The following BBS9 variants were observed in gnomAD, a reference collection of about 807,000 sequenced individuals.
BBS9 encodes the protein Bardet-Biedl syndrome 9, also known as protein PTHB1.
A neutral mutation model predicts 117.7 loss-of-function variants in BBS9; 89 were observed. That is an observed-to-expected ratio of 0.76 (90% CI 0.64 to 0.90). BBS9 has a LOEUF of 0.90. Among genes scored for constraint, BBS9 ranks in the 40% least tolerant of loss-of-function variants. The pLI is 0.00. For synonymous variants in BBS9, 379 were observed against 370.9 expected (o/e 1.02, Z -0.25); for missense variants, 982 against 1,042.2 (o/e 0.94, Z 0.80).
chr7:33,504,026 A>G (rs12154346), intron 19 of BBS9, among the ~76,000 whole-genome samples: 19,379 of 152,142 alleles, frequency 0.13, 1,395 homozygotes, highest in South Asian at 0.25. Context: ...TATTATAGTA[A>G]TGTTTCTTCC....
intron 21 of BBS9, among the ~76,000 whole-genome samples, chr7:33,583,612 C>T (rs185586714): frequency 1.1e-4 from 17 of 152,156 alleles, no homozygotes; most frequent in Admixed American, 3.9e-4. Flanking sequence ...CAAATAAAGA[C>T]GCCAAAACAT....
At chr7:33,410,714 A>G (rs1455827923) in intron 19 of BBS9, among the ~76,000 whole-genome samples, 4 of 152,058 alleles carry the variant, frequency 2.6e-5, no homozygotes, top group African/African-American at 9.7e-5. Context: ...CTTCTGGAAT[A>G]CTGATTTATA....
chr7:33,186,909 T>C (rs74995454), intron 5 of BBS9, among the ~76,000 whole-genome samples: 6,781 of 152,314 alleles, frequency 0.045, 232 homozygotes, highest in East Asian at 0.16. Flanking sequence ...TTTGGACATA[T>C]ACTAAATCAA....
chr7:33,551,474 T>C (rs1055749046), intron 21 of BBS9, among the ~76,000 whole-genome samples: 1 of 152,198 alleles, frequency 6.6e-6, no homozygotes, highest in East Asian at 1.9e-4. Context: ...TTTTTAAAAC[T>C]TAACCTATTA....
chr7:33,604,248 A>C (rs1864247515), intron 21 of BBS9, among the ~76,000 whole-genome samples: 1 of 152,206 alleles, frequency 6.6e-6, no homozygotes, highest in African/African-American at 2.4e-5. Context: ...AGTTATACCC[A>C]GTACTTCAAA....
chr7:33,422,982 G>C (rs997899010), intron 19 of BBS9, among the ~76,000 whole-genome samples: 1 of 152,132 alleles, frequency 6.6e-6, no homozygotes, highest in African/African-American at 2.4e-5. Context: ...ATACTGGCTG[G>C]AAGAGAACTT....
intron 9 of BBS9, among the ~76,000 whole-genome samples, chr7:33,281,396 C>A (rs1215296446): frequency 1.0e-5 from 1 of 95,944 alleles, no homozygotes; most frequent in East Asian, 3.2e-4. Context: ...TTTTTTGAGG[C>A]AGGGTCTCAC....
chr7:33,222,266 T>C (rs990789527), intron 5 of BBS9, among the ~76,000 whole-genome samples: 5 of 152,180 alleles, frequency 3.3e-5, no homozygotes, highest in African/African-American at 4.8e-5. Context: ...AACTAAGATA[T>C]CAAATTGATT....
intron 21 of BBS9, among the ~76,000 whole-genome samples, chr7:33,611,747 C>A: frequency 8.0e-6 from 1 of 125,774 alleles, no homozygotes; most frequent in Non-Finnish European, 1.6e-5. Flanking sequence ...ATATTTATTC[C>A]TTTATATAAT....
At chr7:33,602,759 G>C (rs1312248972) in intron 21 of BBS9, among the ~76,000 whole-genome samples, 2 of 152,026 alleles carry the variant, frequency 1.3e-5, no homozygotes, top group Non-Finnish European at 2.9e-5. Flanking sequence ...AAGAAAGGTG[G>C]GTGGCATTCC....
intron 21 of BBS9, among the ~76,000 whole-genome samples, chr7:33,570,944 A>G (rs564672637): frequency 2.0e-5 from 3 of 152,344 alleles, no homozygotes; most frequent in African/African-American, 7.2e-5. Context: ...ATATAACAAC[A>G]GATGTGATGT....
rs138331056 is a variant in BBS9, at chr7:33,214,815, G to T, written c.442+37224G>T. 1.1e-3 allele frequency among the ~76,000 whole-genome samples: 169 copies of T among 152,278 alleles called. 1 individual carries two copies. The highest frequency in any genetic ancestry group is 3.8e-3 in the African/African-American group (157 of 41,556). On this transcript the variant is annotated intron_variant, in intron 5 of 22. Transcript: ENST00000242067. ...TTAGTTCAATCCCTGTCAAAATACTGATATTATTCTTCGTGGAGATAGAAA... is the reference window on the plus strand; with the variant it reads ...TTAGTTCAATCCCTGTCAAAATACTTATATTATTCTTCGTGGAGATAGAAA...
intron 21 of BBS9, among the ~76,000 whole-genome samples, chr7:33,570,667 A>G (rs1169073357): frequency 1.3e-5 from 2 of 152,232 alleles, no homozygotes; most frequent in Non-Finnish European, 2.9e-5. Flanking sequence ...TACAGGAGAG[A>G]GACCTAGTAG....
At chr7:33,486,302 G>A (rs1259863433) in intron 19 of BBS9, among the ~76,000 whole-genome samples, 2 of 152,226 alleles carry the variant, frequency 1.3e-5, no homozygotes, top group Non-Finnish European at 2.9e-5. Context: ...TGATGGATGT[G>A]TGGGTCAGGA....
At chr7:33,418,971 C>G (rs78570097) in intron 19 of BBS9, among the ~76,000 whole-genome samples, 1 of 152,254 alleles carries the variant, frequency 6.6e-6, no homozygotes, top group African/African-American at 2.4e-5. Context: ...TTCAGTGTTA[C>G]TTTTATTTTC....
chr7:33,233,885 T>C (rs889622963), intron 5 of BBS9, among the ~76,000 whole-genome samples: 3 of 152,284 alleles, frequency 2.0e-5, no homozygotes, highest in Middle Eastern at 3.4e-3. Flanking sequence ...ACAGTTTCAC[T>C]TTCCGTGGTT....
At chr7:33,593,431 A>AAAG (rs1862255207) in intron 21 of BBS9, among the ~76,000 whole-genome samples, 1 of 152,042 alleles carries the variant, frequency 6.6e-6, no homozygotes, top group African/African-American at 2.4e-5. Context: ...TTGGTTTTTT[A>AAAG]GGTTCCATGT....
At chr7:33,454,586 C>T (rs540874094) in intron 19 of BBS9, among the ~76,000 whole-genome samples, 39 of 152,322 alleles carry the variant, frequency 2.6e-4, no homozygotes, top group Non-Finnish European at 4.6e-4. Context: ...CAGGTCACTG[C>T]CAAGAGGATG....
intron 5 of BBS9, among the ~76,000 whole-genome samples, chr7:33,215,270 A>G (rs1195372488): frequency 6.6e-6 from 1 of 152,258 alleles, no homozygotes; most frequent in African/African-American, 2.4e-5. Flanking sequence ...TATACAAATC[A>G]GCATAGTACT....
Sources: allele counts gnomAD v4.1 joint callset (sites outside exome capture counted in the v4.1 genomes callset), GRCh38; gene constraint gnomAD v4.1.1; transcripts MANE v1.5; gene names NCBI Gene and HGNC (gene_info 2026-07-23, HGNC 2026-07-21).